The following CROCC2 variants were observed in gnomAD, a reference collection of about 807,000 sequenced individuals.
The protein encoded by CROCC2 is ciliary rootlet coiled-coil protein 2.
CROCC2 carries 163 observed loss-of-function variants against 177.6 expected under a neutral mutation model. The observed-to-expected ratio is 0.92, with a 90% CI of 0.81 to 1.05. The LOEUF (loss-of-function observed/expected upper bound fraction) is 1.05. Ranked by LOEUF, CROCC2 falls within the 50% of genes least tolerant of loss-of-function variation. CROCC2 has a pLI of 0.00. For missense variants in CROCC2, 1,929 were observed against 1,797.8 expected (o/e 1.07, Z -1.32); for synonymous variants, 904 against 787.3 (o/e 1.15, Z -2.48).
intron 20 of CROCC2, among the ~76,000 whole-genome samples, chr2:240,962,449 G>A (rs2059649548): frequency 6.6e-6 from 1 of 152,170 alleles, no homozygotes; most frequent in South Asian, 2.1e-4. Flanking sequence ...TGAGCTCGGC[G>A]GAAAATGCTC....
intron 13 of CROCC2, 68 bp from the exon 14 acceptor site, chr2:240,935,290 G>C (rs1037779108): frequency 7.7e-7 from 1 of 1,301,522 alleles, no homozygotes; most frequent in Non-Finnish European, 9.9e-7. Context: ...GCAGGCCTTG[G>C]GGATGGCTGG....
rs915381324 is a variant in CROCC2, at chr2:240,973,055, G to A, written c.4401+4793G>A. Among the ~76,000 whole-genome samples, 25 of 152,266 alleles carry A rather than the reference G, an allele frequency of 1.6e-4. No individual in the cohort carries two copies. Among genetic ancestry groups the A allele is most frequent in the Non-Finnish European group, 2.8e-4 (19 of 68,010 alleles). ...CAGGCCTGGTGCCTCTCCTGGCTCT[G>A]CCAAGCTCCCGGCACAGTCTAGAGC... On this transcript the variant is annotated intron_variant, in intron 27 of 31. Transcript: ENST00000690015. The surrounding 1 kb of genome is among the most constrained non-coding windows in gnomAD (Gnocchi z 4.7).
At chr2:240,967,707 C>G (rs545949327) in intron 26 of CROCC2, 3 of 461,872 alleles carry the variant, frequency 6.5e-6, no homozygotes, top group African/African-American at 2.1e-5. Flanking sequence ...AGGGCCCTCC[C>G]GATCCGGCCC....
At chr2:240,990,940 C>G (rs973828148) in intron 30 of CROCC2, among the ~76,000 whole-genome samples, 1 of 152,240 alleles carries the variant, frequency 6.6e-6, no homozygotes, top group African/African-American at 2.4e-5. Context: ...ACCAAGGGTG[C>G]GCGGTGGCCA....
rs1005281664 is a variant in CROCC2 at position 240,959,158 on chromosome 2, C to T, written c.2944-143C>T. The T allele has an allele frequency of 3.2e-6, 3 of 950,030 alleles. No homozygotes were observed. In the African/African-American group the frequency reaches 5.1e-5, roughly 16 times the overall value. 58.9% of individuals were successfully genotyped at this position (950,030 alleles called of 1,614,324 possible). A position where few individuals can be genotyped will look rare whatever the true frequency, so the allele number is the denominator to read the frequency against. ...GTTTAGGAAACCAAGGGCCAGTTAC[C>T]CCGGGGCTTGCACGATCAGCAGGAC... On this transcript the variant is annotated intron_variant, in intron 19 of 31. Coordinates refer to ENST00000690015, the MANE Select transcript of CROCC2 (RefSeq NM_001351305.2).
intron 18 of CROCC2, chr2:240,950,902 T>TCCGTCTGTCCATCCATTCAC (rs2059550980): frequency 5.7e-6 from 1 of 174,698 alleles, no homozygotes; most frequent in Admixed American, 6.2e-5. Context: ...CATTTATCCA[T>TCCGTCTGTCCATCCATTCAC]CCATCCATCC....
intron 5 of CROCC2, chr2:240,929,832 G>C (rs894792943): frequency 1.2e-5 from 6 of 482,322 alleles, no homozygotes; most frequent in Non-Finnish European, 2.4e-5. Flanking sequence ...AGCCTGAGCA[G>C]TTCCTGAGAG....
chr2:240,931,242 G>A, intron 7 of CROCC2, 114 bp downstream of exon 7: 2 of 605,096 alleles, frequency 3.3e-6, no homozygotes, highest in Non-Finnish European at 3.0e-6. Flanking sequence ...CAGGGCAGGT[G>A]GGGCCCTGAT....
At position 240,984,085 on chromosome 2, in the gene CROCC2, G is replaced by T. The variant is rs574952684; in HGVS notation, c.4551+1056G>T. Among the ~76,000 whole-genome samples, 724 of 152,298 alleles carry T rather than the reference G, an allele frequency of 4.8e-3. 4 individuals are homozygous for T. The highest frequency in any genetic ancestry group is 6.5e-3 in the Non-Finnish European group (439 of 68,008). ...AAGAGCTCAGTGGTCAAGGGGTGAA[G>T]TGACGGTCATCACCCAGTCCTGTCA... is the stretch of plus-strand genomic sequence containing the variant. On this transcript the variant is annotated intron_variant, in intron 28 of 31. Transcript: ENST00000690015.
intron 27 of CROCC2, among the ~76,000 whole-genome samples, chr2:240,970,939 G>A (rs969160726): frequency 3.9e-5 from 6 of 152,182 alleles, no homozygotes; most frequent in African/African-American, 9.7e-5. Context: ...CCGAGGCCAC[G>A]GGGAAGAGTC....
chr2:240,986,562 ACCTCCAGCGT>A (rs1453084255), intron 28 of CROCC2, among the ~76,000 whole-genome samples: 1 of 151,920 alleles, frequency 6.6e-6, no homozygotes, highest in Non-Finnish European at 1.5e-5. Flanking sequence ...ACAAGCTCCC[ACCTCCAGCGT>A]CCTGGGGGAC....
rs559021323 is a variant in CROCC2, at chr2:240,958,663, G to A, written c.2944-638G>A. ...GCAGAGCCTGAGCAGGGCAGGGCTC[G>A]GACCCTTCATGTTGAGGACACTGAG... is the stretch of plus-strand genomic sequence containing the variant. On this transcript the variant is annotated intron_variant, in intron 19 of 31. Transcript: ENST00000690015. The surrounding 1 kb of genome is among the most constrained non-coding windows in gnomAD (Gnocchi z 6.7). The A allele has an allele frequency of 1.2e-4, 108 of 881,840 alleles. 1 individual carries two copies. The East Asian group carries it at 1.3e-3, about 11-fold the overall frequency. The allele number at this position is 881,840 out of a possible 1,614,324, so 54.6% of individuals were successfully genotyped here. A position where few individuals can be genotyped will look rare whatever the true frequency, so the allele number is the denominator to read the frequency against.
intron 5 of CROCC2, among the ~76,000 whole-genome samples, chr2:240,929,936 G>A (rs1258260464): frequency 6.6e-6 from 1 of 152,214 alleles, no homozygotes; most frequent in Non-Finnish European, 1.5e-5. Flanking sequence ...TGGCCTGGGA[G>A]GGCTGGATGT....
intron 28 of CROCC2, chr2:240,983,538 T>C: frequency 7.9e-7 from 1 of 1,270,776 alleles, no homozygotes. Context: ...CGGGCGCGTC[T>C]GCAGGGGGAG....
intron 20 of CROCC2, among the ~76,000 whole-genome samples, chr2:240,961,349 ACACT>A (rs754517446): frequency 1.4e-4 from 22 of 152,026 alleles, no homozygotes; most frequent in East Asian, 3.9e-4. Flanking sequence ...ACACTCACAC[ACACT>A]CACGCTGGAA....
At position 240,988,762 on chromosome 2, in the gene CROCC2, G is replaced by A; in HGVS notation, c.4575G>A (p.Arg1525=). The A allele has an allele frequency of 1.3e-6, 2 of 1,497,892 alleles. No homozygotes were observed. Among genetic ancestry groups the A allele is most frequent in the Non-Finnish European group, 1.8e-6 (2 of 1,116,920 alleles). The allele number at this position is 1,497,892 out of a possible 1,614,324, so 92.8% of individuals were successfully genotyped here. The change falls in exon 29 of 32, where the codon AGG becomes AGA. Residue 1525 remains arginine (R), a synonymous_variant. Transcript: ENST00000690015. ...AGATGGAGCAAGAGACACTGAAGAGGGAGGAGGATGTGGCGAGGCTGGGGG... is the reference window on the plus strand; with the variant it reads ...AGATGGAGCAAGAGACACTGAAGAGAGAGGAGGATGTGGCGAGGCTGGGGG... ...LRQMEQETLK[R]EEDVARLGAE...
At chr2:240,919,218 C>A (rs956172677) in intron 2 of CROCC2, among the ~76,000 whole-genome samples, 4 of 151,796 alleles carry the variant, frequency 2.6e-5, no homozygotes, top group African/African-American at 9.7e-5. Flanking sequence ...CCTCACCCCC[C>A]ACAGGGCCAC....
Position 240,949,081 on chromosome 2 carries a change from G to C in CROCC2, c.2466G>C (p.Ala822=), listed in dbSNP as rs748803014. 1.3e-6 allele frequency: 2 copies of C among 1,544,576 alleles called. No homozygotes were observed. Among genetic ancestry groups the C allele is most frequent in the African/African-American group, 1.4e-5 (1 of 72,758 alleles). The part of the protein sequence containing the change: ...LEEEARSAGL[A]RQALQVEMEQ... ...AGGAAGCCCGGAGCGCAGGACTCGC[G>C]CGGCAGGCCTTGCAAGGTGCTCCAA... Residue 822 remains alanine (A), a synonymous_variant, in exon 16 of 32, where the codon GCG becomes GCC. Transcript: ENST00000690015. The surrounding 1 kb of genome is among the most constrained non-coding windows in gnomAD (Gnocchi z 4.5).
At chr2:240,912,907 C>T (rs1194116940) in intron 1 of CROCC2, among the ~76,000 whole-genome samples, 1 of 152,204 alleles carries the variant, frequency 6.6e-6, no homozygotes, top group Non-Finnish European at 1.5e-5. Context: ...CTAGGGTCCC[C>T]ACCACGGGAC....
Sources: allele counts gnomAD v4.1 joint callset (sites outside exome capture counted in the v4.1 genomes callset), GRCh38; gene constraint gnomAD v4.1.1; non-coding constraint Gnocchi (gnomAD v3.1); transcripts MANE v1.5; gene names NCBI Gene and HGNC (gene_info 2026-07-23, HGNC 2026-07-21).